ALK: variants seen among roughly 807,000 people sequenced by gnomAD.
ALK encodes ALK tyrosine kinase receptor.
ALK carries 74 observed loss-of-function variants against 163.1 expected under a neutral mutation model. The ratio of observed to expected loss-of-function variants is 0.45; its 90% CI spans 0.38 to 0.55. The LOEUF (loss-of-function observed/expected upper bound fraction) is 0.55, where lower values mean the gene tolerates loss of function less well. ALK is among the 20% of genes least tolerant of loss of function. The pLI is 0.00. For synonymous variants in ALK, 960 were observed against 843.2 expected (o/e 1.14, Z -2.40); for missense variants, 2,063 against 2,105.3 (o/e 0.98, Z 0.39).
chr2:29,540,261 C>G (rs1401203636), intron 3 of ALK, among the ~76,000 whole-genome samples: 1 of 152,214 alleles, frequency 6.6e-6, no homozygotes, highest in East Asian at 1.9e-4. Context: ...CTGACAGGCC[C>G]AGAAACCTCA....
At chr2:29,381,397 G>C (rs1010090994) in intron 5 of ALK, among the ~76,000 whole-genome samples, 2 of 152,246 alleles carry the variant, frequency 1.3e-5, no homozygotes, top group African/African-American at 2.4e-5. Context: ...AGGATGTAGA[G>C]AGGATACAGG....
At chr2:29,312,837 G>A (rs1666729945) in intron 8 of ALK, among the ~76,000 whole-genome samples, 1 of 152,198 alleles carries the variant, frequency 6.6e-6, no homozygotes, top group Non-Finnish European at 1.5e-5. Context: ...CCTAGAGCTG[G>A]ACTTGCTTTC....
At chr2:29,592,926 C>CT (rs1250050551) in intron 3 of ALK, among the ~76,000 whole-genome samples, 1 of 152,114 alleles carries the variant, frequency 6.6e-6, no homozygotes, top group Non-Finnish European at 1.5e-5. Context: ...GGAGAATGGC[C>CT]CCGCTGCAAC....
At chr2:29,755,118 T>C (rs1406722938) in intron 1 of ALK, among the ~76,000 whole-genome samples, 3 of 152,190 alleles carry the variant, frequency 2.0e-5, no homozygotes, top group African/African-American at 7.2e-5. Flanking sequence ...GAAGTGACAG[T>C]AGGGGGTCAG....
chr2:29,493,654 G>A (rs904310845), intron 4 of ALK, among the ~76,000 whole-genome samples: 2 of 152,178 alleles, frequency 1.3e-5, no homozygotes, highest in African/African-American at 2.4e-5. Context: ...TCTGTATAAT[G>A]GGGATAATAA....
At chr2:29,446,240 C>G (rs1036113753) in intron 4 of ALK, among the ~76,000 whole-genome samples, 2 of 151,924 alleles carry the variant, frequency 1.3e-5, no homozygotes, top group Non-Finnish European at 2.9e-5. Flanking sequence ...CAAGGCAACT[C>G]TGGATCAATT....
At chr2:29,692,046 G>C (rs944667756) in intron 3 of ALK, among the ~76,000 whole-genome samples, 5 of 152,306 alleles carry the variant, frequency 3.3e-5, no homozygotes, top group Admixed American at 3.3e-4. Context: ...GGCTGAATGG[G>C]AGTAAGTCTG....
intron 11 of ALK, among the ~76,000 whole-genome samples, chr2:29,273,263 G>A (rs1369462787): frequency 6.6e-6 from 1 of 152,250 alleles, no homozygotes; most frequent in East Asian, 1.9e-4. Context: ...GATTATTACT[G>A]ACTGGGTGTG....
At chr2:29,319,278 G>A (rs1468456146) in intron 7 of ALK, 1 of 152,212 alleles carries the variant, frequency 6.6e-6, no homozygotes, top group Non-Finnish European at 1.5e-5. Flanking sequence ...CAACACTTTA[G>A]GGGGCCACAG....
chr2:29,399,530 A>G (rs1398580607), intron 4 of ALK, among the ~76,000 whole-genome samples: 1 of 152,236 alleles, frequency 6.6e-6, no homozygotes, highest in East Asian at 1.9e-4. Flanking sequence ...GGGCATGCTC[A>G]GAAGATTAGC....
At chr2:29,393,104 C>T (rs1669219590) in intron 4 of ALK, among the ~76,000 whole-genome samples, 1 of 152,046 alleles carries the variant, frequency 6.6e-6, no homozygotes, top group Admixed American at 6.6e-5. Flanking sequence ...TCTTTAGTAC[C>T]CCTAGACCCC....
intron 3 of ALK, among the ~76,000 whole-genome samples, chr2:29,649,442 T>A (rs1676980012): frequency 6.6e-6 from 1 of 152,126 alleles, no homozygotes. Flanking sequence ...TATGAAAAAT[T>A]CAAAGCCAAT....
chr2:29,794,223 C>T (rs1396165627), intron 1 of ALK, among the ~76,000 whole-genome samples: 2 of 152,240 alleles, frequency 1.3e-5, no homozygotes, highest in South Asian at 4.1e-4. Flanking sequence ...CCTCTGCTAG[C>T]TTCCAATTTT....
chr2:29,536,758 C>T (rs1467783817), intron 3 of ALK, among the ~76,000 whole-genome samples: 1 of 152,124 alleles, frequency 6.6e-6, no homozygotes, highest in South Asian at 2.1e-4. Flanking sequence ...GACCAAAATG[C>T]TGATAGAAAT....
chr2:29,584,911 G>T (rs938214288), intron 3 of ALK, among the ~76,000 whole-genome samples: 13 of 152,204 alleles, frequency 8.5e-5, no homozygotes, highest in Non-Finnish European at 1.8e-4. Flanking sequence ...TTGTTAAGCA[G>T]CTGGTTTGTT....
At chr2:29,627,257 C>T (rs547989609) in intron 3 of ALK, among the ~76,000 whole-genome samples, 5 of 152,144 alleles carry the variant, frequency 3.3e-5, no homozygotes, top group Non-Finnish European at 4.4e-5. Flanking sequence ...CTTCTGTTCT[C>T]CAGCCCCAGC....
At chr2:29,515,754 C>G (rs1672643791) in intron 4 of ALK, among the ~76,000 whole-genome samples, 1 of 152,172 alleles carries the variant, frequency 6.6e-6, no homozygotes, top group Non-Finnish European at 1.5e-5. Flanking sequence ...ACTTTAGAAG[C>G]ATACGGTAAA....
chr2:29,527,257 A>G (rs1054379798), intron 4 of ALK, among the ~76,000 whole-genome samples: 11 of 152,180 alleles, frequency 7.2e-5, no homozygotes, highest in Non-Finnish European at 1.5e-4. Flanking sequence ...CACATTTCCT[A>G]TTAGGATTGC....
At chr2:29,704,731 A>T (rs1347698176) in intron 2 of ALK, among the ~76,000 whole-genome samples, 2 of 152,134 alleles carry the variant, frequency 1.3e-5, no homozygotes, top group African/African-American at 4.8e-5. Flanking sequence ...GCTGGTGAGC[A>T]GGTCTGTTCT....
Sources: allele counts gnomAD v4.1 joint callset (sites outside exome capture counted in the v4.1 genomes callset), GRCh38; gene constraint gnomAD v4.1.1; transcripts MANE v1.5; gene names NCBI Gene and HGNC (gene_info 2026-07-23, HGNC 2026-07-21).